Variants in DMRT1 observed in about 807,000 individuals in gnomAD.
DMRT1 encodes doublesex- and mab-3-related transcription factor 1.
Under a neutral mutation model 32.3 loss-of-function variants are expected in DMRT1, and 7 were observed. The observed-to-expected ratio is 0.22, with a 90% CI of 0.12 to 0.41. DMRT1 has a LOEUF of 0.41. DMRT1 is among the 10% of genes least tolerant of loss of function. DMRT1 has a pLI of 1.00. For synonymous variants in DMRT1, 278 were observed against 206.1 expected (o/e 1.35, Z -2.99); for missense variants, 625 against 500.5 (o/e 1.25, Z -2.37).
intron 1 of DMRT1, among the ~76,000 whole-genome samples, chr9:845,282 TCACTG>T (rs1292088381): frequency 6.6e-6 from 1 of 152,114 alleles, no homozygotes; most frequent in Non-Finnish European, 1.5e-5. Context: ...CGATTTCGGC[TCACTG>T]CAACCTCCAC....
In DMRT1 at chr9:846,982, C is replaced by T. The variant is rs561460401; in HGVS notation, c.377C>T (p.Ala126Val). Residue 126 changes from alanine (A) to valine (V), a missense_variant, in exon 2 of 5, where the codon GCC becomes GTC. Ala to Val is a moderately conservative substitution (Grantham distance 64). Coordinates refer to ENST00000382276, the MANE Select transcript of DMRT1 (RefSeq NM_021951.3). ...AAQVALRRQQ[A>V]QEEELGISHP... ...CAGGTGGCCCTGAGAAGGCAGCAGG[C>T]CCAGGAGGAGGAATTGGGTATCAGC... 2.5e-6 allele frequency: 4 copies of T among 1,613,988 alleles called. No individual in the cohort carries two copies. The highest frequency in any genetic ancestry group is 3.4e-6 in the Non-Finnish European group (4 of 1,180,042).
intron 4 of DMRT1, among the ~76,000 whole-genome samples, chr9:950,861 C>A (rs796813084): frequency 1.8e-4 from 27 of 152,180 alleles, no homozygotes; most frequent in African/African-American, 6.5e-4. Context: ...TTTTCTATCA[C>A]TTTTTGTTAC....
At chr9:918,139 G>GT (rs1554756472) in intron 4 of DMRT1, among the ~76,000 whole-genome samples, 1 of 152,200 alleles carries the variant, frequency 6.6e-6, no homozygotes, top group Non-Finnish European at 1.5e-5. Flanking sequence ...TGTTGGTTGA[G>GT]TGAATGAATG....
chr9:940,523 A>G (rs1414819006), intron 4 of DMRT1, among the ~76,000 whole-genome samples: 3 of 152,156 alleles, frequency 2.0e-5, no homozygotes, highest in African/African-American at 4.8e-5. Context: ...TTGGAGTCTT[A>G]CCTTATACCA....
At chr9:929,607 T>C (rs1265747683) in intron 4 of DMRT1, among the ~76,000 whole-genome samples, 1 of 152,026 alleles carries the variant, frequency 6.6e-6, no homozygotes, top group Non-Finnish European at 1.5e-5. Context: ...TTCTTTCTAT[T>C]ATACAGGCTA....
intron 2 of DMRT1, among the ~76,000 whole-genome samples, chr9:887,234 G>A (rs1816966392): frequency 6.6e-6 from 1 of 152,170 alleles, no homozygotes; most frequent in African/African-American, 2.4e-5. Context: ...TGTTTGGAGG[G>A]AATTCATAGA....
intron 2 of DMRT1, among the ~76,000 whole-genome samples, chr9:891,583 C>T (rs1306718088): frequency 4.6e-5 from 7 of 150,970 alleles, no homozygotes; most frequent in African/African-American, 9.7e-5. Flanking sequence ...GGCCCAATAT[C>T]GTCTCACTCC....
intron 2 of DMRT1, among the ~76,000 whole-genome samples, chr9:888,807 C>T (rs768630451): frequency 2.0e-5 from 3 of 151,902 alleles, no homozygotes; most frequent in Admixed American, 1.3e-4. Flanking sequence ...AGAGTACAGC[C>T]GTGTGTCTCA....
intron 2 of DMRT1, among the ~76,000 whole-genome samples, chr9:864,474 T>C (rs1273595743): frequency 2.7e-5 from 4 of 148,442 alleles, no homozygotes; most frequent in African/African-American, 1.0e-4. Context: ...ATTACAGGCG[T>C]GAGCCACCAT....
chr9:896,994 TC>T (rs1445143583), intron 3 of DMRT1, among the ~76,000 whole-genome samples: 15 of 152,188 alleles, frequency 9.9e-5, no homozygotes, highest in African/African-American at 2.6e-4. Context: ...TTTGCTACCC[TC>T]AGGGATCTGA....
chr9:952,302 A>G (rs1267462780), intron 4 of DMRT1, among the ~76,000 whole-genome samples: 1 of 152,256 alleles, frequency 6.6e-6, no homozygotes, highest in African/African-American at 2.4e-5. Context: ...TTGTGGAGGT[A>G]GATTAAGAAA....
At chr9:851,374 G>A in intron 2 of DMRT1, among the ~76,000 whole-genome samples, 1 of 152,106 alleles carries the variant, frequency 6.6e-6, no homozygotes, top group East Asian at 1.9e-4. Flanking sequence ...GAGTAGCTGA[G>A]ATTACAGGCG....
intron 4 of DMRT1, among the ~76,000 whole-genome samples, chr9:918,276 C>T (rs183498448): frequency 2.2e-4 from 34 of 152,308 alleles, no homozygotes; most frequent in Middle Eastern, 6.8e-3. Context: ...TTTGTTAATA[C>T]AGAAAATTAA....
At chr9:908,399 AGT>A (rs1383402447) in intron 3 of DMRT1, among the ~76,000 whole-genome samples, 1 of 152,216 alleles carries the variant, frequency 6.6e-6, no homozygotes, top group African/African-American at 2.4e-5. Flanking sequence ...TTGAGGCTGC[AGT>A]GAGCTGCGAT....
intron 4 of DMRT1, among the ~76,000 whole-genome samples, chr9:924,767 A>G (rs901038737): frequency 6.6e-6 from 1 of 152,218 alleles, no homozygotes; most frequent in Non-Finnish European, 1.5e-5. Flanking sequence ...TTTGCCAAGT[A>G]AAACACACCA....
intron 4 of DMRT1, among the ~76,000 whole-genome samples, chr9:950,576 G>C (rs913289909): frequency 6.6e-6 from 1 of 151,980 alleles, no homozygotes; most frequent in Non-Finnish European, 1.5e-5. Context: ...ACATGATAGG[G>C]GCTCAACGAA....
chr9:894,145 C>G lies in DMRT1; in HGVS notation c.772C>G (p.Arg258Gly). Residue 258 changes from arginine (R) to glycine (G), a missense_variant, in exon 3 of 5, where the codon CGG becomes GGG. By Grantham distance (125) the Arg-to-Gly change is moderately radical. This residue lies in a region of DMRT1 where 416 missense variants were observed against 321.6 expected (regional missense o/e 1.29). Coordinates refer to ENST00000382276, the MANE Select transcript of DMRT1 (RefSeq NM_021951.3). Reference sequence around the variant, plus strand: ...GGGATCCCCTGTGAAGAACAGCCTTCGGGGCCTCCCCGGACCTTATGTGCC... The same window carrying G: ...GGGATCCCCTGTGAAGAACAGCCTTGGGGGCCTCCCCGGACCTTATGTGCC... ...LGGSPVKNSL[R>G]GLPGPYVPGQ... 6.2e-7 allele frequency: 1 copy of G among 1,614,128 alleles called. No homozygotes were observed.
chr9:866,679 A>G (rs1341767910), intron 2 of DMRT1, among the ~76,000 whole-genome samples: 2 of 152,200 alleles, frequency 1.3e-5, no homozygotes, highest in African/African-American at 2.4e-5. Flanking sequence ...AAGCGGAAGC[A>G]ATGTATGTAC....
intron 2 of DMRT1, among the ~76,000 whole-genome samples, chr9:884,197 A>AG (rs1491157758): frequency 7.1e-4 from 107 of 151,116 alleles, no homozygotes; most frequent in Admixed American, 3.9e-4. Context: ...ACCAGCAAAG[A>AG]GGGGGGCAAG....
Sources: gnomAD v4.1 joint callset for allele counts (sites outside exome capture counted in the v4.1 genomes callset) on GRCh38, gnomAD v4.1.1 for gene constraint, gnomAD v4.1.1 regional missense constraint, MANE v1.5 for transcripts, NCBI Gene and HGNC (gene_info 2026-07-23, HGNC 2026-07-21) for gene names.